The following KCNQ2 variants were observed in gnomAD, a reference collection of about 807,000 sequenced individuals.
The protein encoded by KCNQ2 is potassium voltage-gated channel subfamily KQT member 2.
KCNQ2 carries 14 observed loss-of-function variants against 84.8 expected under a neutral mutation model. The observed-to-expected ratio is 0.17, with a 90% confidence interval of 0.11 to 0.26. The LOEUF (loss-of-function observed/expected upper bound fraction) is 0.26. Ranked by LOEUF, KCNQ2 falls within the 10% of genes least tolerant of loss-of-function variation. KCNQ2 has a pLI of 1.00. For synonymous variants in KCNQ2, 599 were observed against 554.1 expected (o/e 1.08, Z -1.14); for missense variants, 788 against 1,254.0 (o/e 0.63, Z 5.61).
chr20:63,438,801 C>T lies in KCNQ2; in HGVS notation c.928-81G>A. The stretch of plus-strand genomic sequence containing the variant: ...CAGGGTCAGACCATGCTCTGGGGCC[C>T]CACACCCCCCCCAATTCATCAGGGT... On this transcript the variant is annotated intron_variant, in intron 6 of 16. Transcript: ENST00000359125. The surrounding 1 kb of genome is among the most constrained non-coding windows in gnomAD (Gnocchi z 5.1). The T allele has an allele frequency of 1.8e-6, 2 of 1,108,020 alleles. No individual in the cohort carries two copies. The highest frequency in any genetic ancestry group is 3.6e-5 in the Admixed American group (2 of 55,230). 68.6% of individuals were successfully genotyped at this position (1,108,020 alleles called of 1,614,324 possible).
At chr20:63,427,629 G>A (rs1036174138) in intron 10 of KCNQ2, among the ~76,000 whole-genome samples, 1 of 152,210 alleles carries the variant, frequency 6.6e-6, no homozygotes, top group African/African-American at 2.4e-5. Context: ...GCTTGTGGCC[G>A]CATCACTTCA....
At chr20:63,436,982 T>C (rs572554967) in intron 7 of KCNQ2, among the ~76,000 whole-genome samples, 1 of 152,268 alleles carries the variant, frequency 6.6e-6, no homozygotes, top group Admixed American at 6.5e-5. Context: ...TTTCACCATG[T>C]TGGCTAAGCT....
In KCNQ2 at chr20:63,438,780, G is replaced by T. The variant is rs1041579205; in HGVS notation, c.928-60C>A. ...ACCCCCCACACCCCAATTCATCAGG[G>T]TCAGACCATGCTCTGGGGCCCCACA... On this transcript the variant is annotated intron_variant, in intron 6 of 16. Transcript: ENST00000359125. The surrounding 1 kb of genome is among the most constrained non-coding windows in gnomAD (Gnocchi z 5.1). 1 of 1,497,396 alleles carries T rather than the reference G, an allele frequency of 6.7e-7. No homozygotes were observed. The highest frequency in any genetic ancestry group is 9.2e-7 in the Non-Finnish European group (1 of 1,084,960). 92.8% of individuals were successfully genotyped at this position (1,497,396 alleles called of 1,614,324 possible). A position where few individuals can be genotyped will look rare whatever the true frequency, so the allele number is the denominator to read the frequency against.
At chr20:63,442,345 C>T (rs2081184865) in intron 5 of KCNQ2, 61 bp downstream of exon 5, 2 of 1,612,866 alleles carry the variant, frequency 1.2e-6, no homozygotes, top group Non-Finnish European at 1.7e-6. Context: ...GAGCCTGGTC[C>T]CAGCACAGGG....
chr20:63,415,185 A>G, intron 12 of KCNQ2, 59 bp from the exon 13 acceptor site: 1 of 1,456,720 alleles, frequency 6.9e-7, no homozygotes, highest in South Asian at 1.2e-5. Flanking sequence ...CACTCTGCAA[A>G]GAACACAGGC....
At chr20:63,412,450 C>G (rs8116428) in intron 15 of KCNQ2, among the ~76,000 whole-genome samples, 2 of 152,220 alleles carry the variant, frequency 1.3e-5, no homozygotes, top group African/African-American at 2.4e-5. Context: ...CCAGAGAGGA[C>G]GCTGGGAAAG....
intron 15 of KCNQ2, among the ~76,000 whole-genome samples, chr20:63,410,635 A>T (rs1320515938): frequency 6.6e-6 from 1 of 152,180 alleles, no homozygotes; most frequent in Non-Finnish European, 1.5e-5. Context: ...GCAGTAACAG[A>T]CACGGCCCTG....
At chr20:63,461,745 C>A (rs2081953321) in intron 1 of KCNQ2, among the ~76,000 whole-genome samples, 1 of 150,126 alleles carries the variant, frequency 6.7e-6, no homozygotes, top group South Asian at 2.1e-4. Context: ...GCTGCACCTA[C>A]CCCAGGGAGC....
chr20:63,459,509 A>C (rs1384967498), intron 1 of KCNQ2: 5 of 152,210 alleles, frequency 3.3e-5, no homozygotes, highest in African/African-American at 1.2e-4. Flanking sequence ...ACCCTGCCTC[A>C]AAAATAAATA....
At chr20:63,429,483 A>G (rs935694426) in intron 9 of KCNQ2, among the ~76,000 whole-genome samples, 4 of 152,018 alleles carry the variant, frequency 2.6e-5, no homozygotes, top group Admixed American at 2.6e-4. Context: ...CTACGCGGCT[A>G]TGGCCACGGC....
rs1329722431 is a variant in KCNQ2 at position 63,414,878 on chromosome 20, C to T, written c.1525+25G>A. On this transcript the variant is annotated intron_variant, in intron 13 of 16. Transcript: ENST00000359125. The surrounding 1 kb of genome is among the most constrained non-coding windows in gnomAD (Gnocchi z 6.6). ...ACATCCATCCCCGGAGAGGATGGAC[C>T]AGGAGAGGATGCGGCCACACCCACC... The T allele has an allele frequency of 1.2e-6, 2 of 1,607,930 alleles. No homozygotes were observed. Among genetic ancestry groups the T allele is most frequent in the Admixed American group, 1.7e-5 (1 of 60,016 alleles).
intron 4 of KCNQ2, among the ~76,000 whole-genome samples, 162 bp downstream of exon 4, chr20:63,444,497 G>A (rs1039277020): frequency 1.3e-5 from 2 of 152,162 alleles, no homozygotes; most frequent in Admixed American, 6.5e-5. Flanking sequence ...AAAGGGGAGG[G>A]AGGCTCGTTC....
chr20:63,420,843 C>G (rs1025588174), intron 11 of KCNQ2, among the ~76,000 whole-genome samples: 1 of 152,132 alleles, frequency 6.6e-6, no homozygotes, highest in Non-Finnish European at 1.5e-5. Flanking sequence ...TCCCCAGGCA[C>G]GAAGGGATGT....
At chr20:63,448,074 A>C (rs2081488061) in intron 1 of KCNQ2, 1 of 152,236 alleles carries the variant, frequency 6.6e-6, no homozygotes, top group African/African-American at 2.4e-5. Flanking sequence ...GAAGAGACAT[A>C]GAAGATCTCC....
At chr20:63,462,801 G>A (rs1475521064) in intron 1 of KCNQ2, among the ~76,000 whole-genome samples, 1 of 152,154 alleles carries the variant, frequency 6.6e-6, no homozygotes, top group Non-Finnish European at 1.5e-5. Flanking sequence ...AGCGCCCGAC[G>A]GAGCCTAGAG....
Position 63,402,606 on chromosome 20 carries a change from C to G in KCNQ2, c.*4038G>C, listed in dbSNP as rs1261650130. On this transcript the variant is annotated 3_prime_UTR_variant, in exon 17 of 17. Coordinates refer to ENST00000359125, the MANE Select transcript of KCNQ2 (RefSeq NM_172107.4). ...GGCAGCAGGGTCTGGAATCTAGAAACACTGAGACCTCCAGCCCCGAAGGGG... is the reference window on the plus strand; with the variant it reads ...GGCAGCAGGGTCTGGAATCTAGAAAGACTGAGACCTCCAGCCCCGAAGGGG... The G allele has an allele frequency of 6.6e-6, 1 of 152,370 alleles. No homozygotes were observed. Among genetic ancestry groups the G allele is most frequent in the Non-Finnish European group, 1.5e-5 (1 of 68,166 alleles). The allele number at this position is 152,370 out of a possible 1,614,324, so 9.4% of individuals were successfully genotyped here.
At chr20:63,461,772 C>T (rs1320597817) in intron 1 of KCNQ2, among the ~76,000 whole-genome samples, 2 of 149,232 alleles carry the variant, frequency 1.3e-5, no homozygotes, top group East Asian at 4.0e-4. Flanking sequence ...GAGGCTGCAC[C>T]TACCCCAGGG....
At chr20:63,424,279 C>T in intron 10 of KCNQ2, 73 bp from the exon 11 acceptor site, 1 of 1,505,968 alleles carries the variant, frequency 6.6e-7, no homozygotes. Flanking sequence ...CCAGTCCAGC[C>T]CCCCACAGTC....
chr20:63,415,577 TG>T (rs2080274138), intron 12 of KCNQ2, among the ~76,000 whole-genome samples: 1 of 141,606 alleles, frequency 7.1e-6, no homozygotes, highest in Middle Eastern at 3.4e-3. Flanking sequence ...GGAGGCTGGG[TG>T]GGCAGCAAGC....
Sources: allele counts gnomAD v4.1 joint callset (sites outside exome capture counted in the v4.1 genomes callset), GRCh38; gene constraint gnomAD v4.1.1; non-coding constraint Gnocchi (gnomAD v3.1); transcripts MANE v1.5; gene names NCBI Gene and HGNC (gene_info 2026-07-23, HGNC 2026-07-21).